Variants in HSD17B12 observed in about 807,000 individuals in gnomAD.
HSD17B12 encodes the protein very-long-chain 3-oxoacyl-CoA reductase.
A neutral mutation model predicts 39.3 loss-of-function variants in HSD17B12; 32 were observed. That is an observed-to-expected ratio of 0.81 (90% CI 0.61 to 1.09). The LOEUF is 1.09. Among genes scored for constraint, HSD17B12 ranks in the 50% least tolerant of loss-of-function variants. HSD17B12 has a pLI of 0.00. For missense variants in HSD17B12, 342 were observed against 382.9 expected (o/e 0.89, Z 0.89); for synonymous variants, 150 against 146.7 (o/e 1.02, Z -0.16).
chr11:43,768,112 G>T (rs1178246326), intron 3 of HSD17B12, among the ~76,000 whole-genome samples: 1 of 152,126 alleles, frequency 6.6e-6, no homozygotes, highest in Admixed American at 6.5e-5. Flanking sequence ...GACTTCTTGT[G>T]CTGTGTTCTC....
the HSD17B12 span, among the ~76,000 whole-genome samples, chr11:43,668,568 A>G: frequency 6.6e-6 from 1 of 152,358 alleles, no homozygotes; most frequent in African/African-American, 2.4e-5. Context: ...AAAGATAAAT[A>G]TGTAATTAAT....
In HSD17B12 at chr11:43,855,245, C is replaced by G. The variant is rs765876352; in HGVS notation, c.936C>G (p.Asn312Lys). The change falls in exon 11 of 11, where the codon AAC (asparagine) becomes AAG (lysine). Residue 312 changes from asparagine to lysine, a missense_variant. Transcript: ENST00000278353. ...ACTATCTGAAGAAAACCAAGAAGAA[C>G]TAAGCATTGATAACTGCATTGTAAC... ...RAHYLKKTKK[N>K] 3.8e-6 allele frequency: 6 copies of G among 1,591,888 alleles called. No homozygotes were observed. In the South Asian group the frequency reaches 5.6e-5, roughly 15 times the overall value.
chr11:43,691,921 A>T (rs1241770854), intron 1 of HSD17B12, among the ~76,000 whole-genome samples: 2 of 151,938 alleles, frequency 1.3e-5, no homozygotes, highest in African/African-American at 4.8e-5. Flanking sequence ...CTCATATTCC[A>T]CACTCTTCCT....
At chr11:43,616,523 C>G in the HSD17B12 span, among the ~76,000 whole-genome samples, 4 of 151,446 alleles carry the variant, frequency 2.6e-5, no homozygotes, top group African/African-American at 7.3e-5. Context: ...GAATGCTCAT[C>G]ATATGCCAGG....
chr11:43,762,429 T>C (rs7934673), intron 3 of HSD17B12, among the ~76,000 whole-genome samples: 3,500 of 152,320 alleles, frequency 0.023, 153 homozygotes, highest in African/African-American at 0.08. Context: ...GCAGCATCAG[T>C]AATAGCCAAG....
intron 3 of HSD17B12, among the ~76,000 whole-genome samples, chr11:43,788,732 C>T (rs1950840056): frequency 1.3e-5 from 2 of 149,122 alleles, no homozygotes; most frequent in Admixed American, 6.7e-5. Context: ...TGTAACTTCC[C>T]AGTTTAATAA....
At chr11:43,713,359 A>G (rs959151859) in intron 1 of HSD17B12, among the ~76,000 whole-genome samples, 6 of 140,650 alleles carry the variant, frequency 4.3e-5, no homozygotes, top group African/African-American at 1.6e-4. Context: ...ATTCCCACCT[A>G]TGAGTGAGAA....
chr11:43,640,716 C>A, the HSD17B12 span, among the ~76,000 whole-genome samples: 1 of 151,546 alleles, frequency 6.6e-6, no homozygotes, highest in African/African-American at 2.4e-5. Flanking sequence ...AATAAGACCC[C>A]CAAAATATGT....
At chr11:43,611,754 A>T in the HSD17B12 span, among the ~76,000 whole-genome samples, 1 of 152,122 alleles carries the variant, frequency 6.6e-6, no homozygotes, top group East Asian at 1.9e-4. Flanking sequence ...ACAATAGTGA[A>T]TTTTTTTGTT....
At chr11:43,717,658 A>G (rs1263555526) in intron 1 of HSD17B12, among the ~76,000 whole-genome samples, 1 of 152,112 alleles carries the variant, frequency 6.6e-6, no homozygotes, top group Non-Finnish European at 1.5e-5. Context: ...GTTTTCTTCC[A>G]TGTGGTCTCT....
chr11:43,804,092 T>C (rs902355738), intron 4 of HSD17B12, among the ~76,000 whole-genome samples: 2 of 152,182 alleles, frequency 1.3e-5, no homozygotes, highest in African/African-American at 4.8e-5. Context: ...CAAATTCTAC[T>C]ACTATGACTT....
chr11:43,837,945 C>T (rs749242679), intron 7 of HSD17B12: 5 of 192,216 alleles, frequency 2.6e-5, no homozygotes, highest in Middle Eastern at 2.2e-3. Context: ...TAGTATGTGA[C>T]GATATGTTAA....
At chr11:43,671,567 C>T in the HSD17B12 span, among the ~76,000 whole-genome samples, 44 of 152,104 alleles carry the variant, frequency 2.9e-4, no homozygotes, top group African/African-American at 8.9e-4. Context: ...ATTGATGGAA[C>T]AATTATTAGA....
At chr11:43,581,493 A>G in the HSD17B12 span, 1 of 495,428 alleles carries the variant, frequency 2.0e-6, no homozygotes, top group Non-Finnish European at 4.2e-6. The surrounding 1 kb of genome is among the most constrained non-coding windows in gnomAD (Gnocchi z 4.9). Context: ...GCACTCGTCG[A>G]GAAGACGGCA....
chr11:43,638,708 G>A, the HSD17B12 span, among the ~76,000 whole-genome samples: 1 of 152,058 alleles, frequency 6.6e-6, no homozygotes, highest in Non-Finnish European at 1.5e-5. Context: ...ATATATCGTG[G>A]TGTTTTAAAT....
At chr11:43,619,563 T>C in the HSD17B12 span, among the ~76,000 whole-genome samples, 2 of 151,694 alleles carry the variant, frequency 1.3e-5, no homozygotes, top group South Asian at 4.2e-4. Flanking sequence ...CTAATTTTTT[T>C]GTATTTTTAG....
At chr11:43,666,835 C>T in the HSD17B12 span, among the ~76,000 whole-genome samples, 384 of 152,290 alleles carry the variant, frequency 2.5e-3, 2 homozygotes, top group African/African-American at 4.0e-3. Context: ...CAACATGAGA[C>T]GATTTTCCTA....
At chr11:43,612,853 G>A in the HSD17B12 span, among the ~76,000 whole-genome samples, 2 of 152,182 alleles carry the variant, frequency 1.3e-5, no homozygotes, top group African/African-American at 2.4e-5. Context: ...AGAAGGGGTG[G>A]CATTTGCTGT....
chr11:43,775,920 C>T (rs1212998614), intron 3 of HSD17B12, among the ~76,000 whole-genome samples: 1 of 151,858 alleles, frequency 6.6e-6, no homozygotes, highest in Non-Finnish European at 1.5e-5. Context: ...CATCCATGTC[C>T]CTACGAAGGA....
Sources: allele counts gnomAD v4.1 joint callset (sites outside exome capture counted in the v4.1 genomes callset), GRCh38; gene constraint gnomAD v4.1.1; non-coding constraint Gnocchi (gnomAD v3.1); transcripts MANE v1.5; gene names NCBI Gene and HGNC (gene_info 2026-07-23, HGNC 2026-07-21).